Variants in CSMD3 observed in about 807,000 individuals in gnomAD.
CSMD3 encodes the protein CUB and sushi domain-containing protein 3.
Under a neutral mutation model 435.2 loss-of-function variants are expected in CSMD3, and 177 were observed. The observed-to-expected ratio is 0.41, with a 90% CI of 0.36 to 0.46. The LOEUF is 0.46. Among genes scored for constraint, CSMD3 ranks in the 20% least tolerant of loss-of-function variants. The probability of loss-of-function intolerance (pLI) is 0.34; values close to 1 mark genes in which losing one functional copy is unlikely to be tolerated. For missense variants in CSMD3, 4,265 were observed against 4,504.6 expected, an observed-to-expected ratio of 0.95 and a Z score of 1.52; for synonymous variants, 1,656 against 1,520.5, an observed-to-expected ratio of 1.09 and a Z score of -2.07.
At chr8:112,921,131 T>C (rs1354512438) in intron 10 of CSMD3, among the ~76,000 whole-genome samples, 1 of 151,686 alleles carries the variant, frequency 6.6e-6, no homozygotes, top group Non-Finnish European at 1.5e-5. Context: ...TATATATTTA[T>C]ATCTTATTTG....
At chr8:113,423,224 T>C (rs775018410) in intron 1 of CSMD3, among the ~76,000 whole-genome samples, 2 of 152,090 alleles carry the variant, frequency 1.3e-5, no homozygotes, top group African/African-American at 2.4e-5. Context: ...CTTGAGTATT[T>C]TGAATTTCAA....
chr8:113,053,443 A>C (rs2088183805), intron 5 of CSMD3, among the ~76,000 whole-genome samples: 1 of 152,110 alleles, frequency 6.6e-6, no homozygotes, highest in Non-Finnish European at 1.5e-5. Context: ...TTATAAACAT[A>C]TATAAATAAT....
At chr8:112,630,098 C>G (rs2074472391) in intron 22 of CSMD3, among the ~76,000 whole-genome samples, 1 of 152,136 alleles carries the variant, frequency 6.6e-6, no homozygotes, top group Non-Finnish European at 1.5e-5. Context: ...GGTGAGAACT[C>G]AGCCCTGGTT....
At chr8:112,907,141 A>G (rs1304950952) in intron 10 of CSMD3, among the ~76,000 whole-genome samples, 1 of 151,538 alleles carries the variant, frequency 6.6e-6, no homozygotes, top group Non-Finnish European at 1.5e-5. Context: ...AAAATTCTTT[A>G]GACAAAATCC....
chr8:112,395,051 ATATT>A (rs1302495281), intron 35 of CSMD3, among the ~76,000 whole-genome samples: 2 of 152,336 alleles, frequency 1.3e-5, no homozygotes, highest in Non-Finnish European at 2.9e-5. Context: ...TACTGCAATC[ATATT>A]TATTTATTTA....
intron 6 of CSMD3, among the ~76,000 whole-genome samples, chr8:113,017,863 T>C (rs188497570): frequency 4.6e-5 from 7 of 152,206 alleles, no homozygotes; most frequent in Admixed American, 3.3e-4. Context: ...TAATAAAATA[T>C]GTGAAAATAA....
At position 112,224,409 on chromosome 8, in the gene CSMD3, T is replaced by C. The variant is rs142558618; in HGVS notation, c.*362A>G. Reference sequence around the variant, plus strand: ...AAGTATAGCTCTTATTTCTACCCTATATCTTTTTTTTTAAACCCAGTCCCT... The same window carrying C: ...AAGTATAGCTCTTATTTCTACCCTACATCTTTTTTTTTAAACCCAGTCCCT... On this transcript the variant is annotated 3_prime_UTR_variant, in exon 71 of 71. Coordinates refer to ENST00000297405, the MANE Select transcript of CSMD3 (RefSeq NM_198123.2). 1.4e-3 allele frequency: 432 copies of C among 308,676 alleles called. No individual in the cohort carries two copies. The highest frequency in any genetic ancestry group is 2.4e-3 in the Admixed American group (54 of 22,332). 19.1% of individuals were successfully genotyped at this position (308,676 alleles called of 1,614,324 possible). A position where few individuals can be genotyped will look rare whatever the true frequency, so the allele number is the denominator to read the frequency against.
intron 4 of CSMD3, among the ~76,000 whole-genome samples, chr8:113,149,178 G>T (rs1224620112): frequency 6.6e-6 from 1 of 151,550 alleles, no homozygotes; most frequent in Admixed American, 6.6e-5. Flanking sequence ...CTCTTAAAGG[G>T]GCATTTTATA....
intron 22 of CSMD3, among the ~76,000 whole-genome samples, chr8:112,588,028 A>G (rs1428879338): frequency 1.3e-5 from 2 of 151,908 alleles, no homozygotes; most frequent in African/African-American, 4.8e-5. Flanking sequence ...TTGTGGCAAT[A>G]TTGCAAAAGA....
chr8:112,536,997 C>T (rs1289803810), intron 27 of CSMD3, among the ~76,000 whole-genome samples: 2 of 151,720 alleles, frequency 1.3e-5, no homozygotes, highest in East Asian at 3.9e-4. Flanking sequence ...GGAAGGGGAA[C>T]ATCACATTCT....
At chr8:113,251,229 T>C (rs72670713) in intron 3 of CSMD3, among the ~76,000 whole-genome samples, 10,012 of 152,108 alleles carry the variant, frequency 0.066, 446 homozygotes, top group Non-Finnish European at 0.094. Context: ...TGATTATCAA[T>C]GTCTCATTCA....
chr8:113,214,343 CA>C (rs1229899292), intron 3 of CSMD3, among the ~76,000 whole-genome samples: 8 of 151,854 alleles, frequency 5.3e-5, no homozygotes, highest in African/African-American at 1.4e-4. Flanking sequence ...AATTGAGGAG[CA>C]GATATAGGTT....
chr8:112,822,179 C>A (rs1233138247), intron 12 of CSMD3, among the ~76,000 whole-genome samples: 1 of 152,064 alleles, frequency 6.6e-6, no homozygotes, highest in Non-Finnish European at 1.5e-5. Flanking sequence ...TTCCATAATT[C>A]CGTGAATAAT....
intron 35 of CSMD3, among the ~76,000 whole-genome samples, chr8:112,404,997 G>C (rs1156352152): frequency 3.3e-5 from 5 of 150,636 alleles, no homozygotes; most frequent in Non-Finnish European, 7.4e-5. Context: ...AGACAACATG[G>C]TGAGACCTGG....
intron 27 of CSMD3, among the ~76,000 whole-genome samples, chr8:112,521,992 TA>T (rs1395248430): frequency 1.3e-5 from 2 of 151,796 alleles, no homozygotes; most frequent in Non-Finnish European, 3.0e-5. Context: ...GAGTGAACAT[TA>T]GCAAAAATAT....
intron 59 of CSMD3, among the ~76,000 whole-genome samples, chr8:112,279,089 TTG>T (rs1217380521): frequency 6.6e-6 from 1 of 151,670 alleles, no homozygotes; most frequent in Non-Finnish European, 1.5e-5. Flanking sequence ...GAAACAAAAA[TTG>T]AAATAAAGAT....
intron 13 of CSMD3, among the ~76,000 whole-genome samples, chr8:112,726,536 T>C (rs2076968308): frequency 6.6e-6 from 1 of 151,902 alleles, no homozygotes; most frequent in Admixed American, 6.6e-5. Flanking sequence ...GAGAAGATCA[T>C]ATATTTTTCT....
intron 52 of CSMD3, among the ~76,000 whole-genome samples, chr8:112,302,666 G>A (rs1821046976): frequency 6.6e-6 from 1 of 151,770 alleles, no homozygotes; most frequent in Non-Finnish European, 1.5e-5. Flanking sequence ...GTGCTATAGT[G>A]TTTTCATTTA....
intron 5 of CSMD3, among the ~76,000 whole-genome samples, chr8:113,059,778 A>C (rs2131360020): frequency 6.6e-6 from 1 of 152,242 alleles, no homozygotes; most frequent in Non-Finnish European, 1.5e-5. Flanking sequence ...AGATTTAGAG[A>C]AGGTTCTGCT....
Sources: allele counts gnomAD v4.1 joint callset (sites outside exome capture counted in the v4.1 genomes callset), GRCh38; gene constraint gnomAD v4.1.1; transcripts MANE v1.5; gene names NCBI Gene and HGNC (gene_info 2026-07-23, HGNC 2026-07-21).